The following PIK3CA variants were observed in gnomAD, a reference collection of about 807,000 sequenced individuals.
The protein encoded by PIK3CA is phosphatidylinositol-4,5-bisphosphate 3-kinase catalytic subunit alpha.
Under a neutral mutation model 138.2 loss-of-function variants are expected in PIK3CA, and 27 were observed. That is an observed-to-expected ratio of 0.20 (90% CI 0.14 to 0.27). The LOEUF (loss-of-function observed/expected upper bound fraction) is 0.27, where lower values mean the gene tolerates loss of function less well. PIK3CA is among the 10% of genes least tolerant of loss of function. PIK3CA has a pLI of 1.00. For missense variants in PIK3CA, 544 were observed against 1,277.4 expected, an observed-to-expected ratio of 0.43 and a Z score of 8.75; for synonymous variants, 358 against 413.2, an observed-to-expected ratio of 0.87 and a Z score of 1.62.
At chr3:179,218,159 G>A (rs570063247) in intron 9 of PIK3CA, 51 bp from the exon 10 acceptor site, 1 of 1,395,346 alleles carries the variant, frequency 7.2e-7, no homozygotes, top group African/African-American at 1.5e-5. Flanking sequence ...TGAATCCAGA[G>A]GGGAAAAATA....
intron 20 of PIK3CA, among the ~76,000 whole-genome samples, chr3:179,231,199 A>AT (rs749941927): frequency 2.0e-4 from 31 of 152,224 alleles, no homozygotes; most frequent in Middle Eastern, 6.8e-3. Context: ...TTATCCACTC[A>AT]TTGGTCAGTG....
intron 1 of PIK3CA, among the ~76,000 whole-genome samples, chr3:179,155,993 A>G (rs1453737786): frequency 1.3e-5 from 2 of 151,896 alleles, no homozygotes; most frequent in African/African-American, 4.8e-5. Context: ...TTCTAATACA[A>G]CTCCCAAATG....
intron 1 of PIK3CA, among the ~76,000 whole-genome samples, chr3:179,168,352 T>C (rs933838608): frequency 6.6e-6 from 1 of 152,222 alleles, no homozygotes; most frequent in Non-Finnish European, 1.5e-5. Context: ...TACTTGTTAT[T>C]GATGAGAATA....
intron 1 of PIK3CA, among the ~76,000 whole-genome samples, chr3:179,187,933 G>A (rs999591042): frequency 6.6e-6 from 1 of 152,072 alleles, no homozygotes; most frequent in Non-Finnish European, 1.5e-5. Context: ...CACCATGCCC[G>A]ACCCTCATTT....
At chr3:179,179,663 A>G (rs1723790894) in intron 1 of PIK3CA, among the ~76,000 whole-genome samples, 1 of 152,202 alleles carries the variant, frequency 6.6e-6, no homozygotes, top group African/African-American at 2.4e-5. Flanking sequence ...CTATAGTTCA[A>G]TTTGAAAAAT....
intron 1 of PIK3CA, among the ~76,000 whole-genome samples, chr3:179,184,522 C>G (rs565836705): frequency 1.3e-5 from 2 of 152,248 alleles, no homozygotes; most frequent in South Asian, 4.1e-4. Flanking sequence ...ACAGACAGTA[C>G]AGATAAATCT....
intron 1 of PIK3CA, among the ~76,000 whole-genome samples, chr3:179,160,018 G>T (rs181273098): frequency 6.6e-6 from 1 of 152,300 alleles, no homozygotes; most frequent in East Asian, 1.9e-4. Flanking sequence ...AAGACTAGAA[G>T]TTACTCTGGG....
At chr3:179,209,888 A>G (rs1018048247) in intron 7 of PIK3CA, among the ~76,000 whole-genome samples, 188 bp downstream of exon 7, 1 of 152,182 alleles carries the variant, frequency 6.6e-6, no homozygotes, top group Non-Finnish European at 1.5e-5. Context: ...TATGATGAAT[A>G]TGTTTTGAGT....
intron 16 of PIK3CA, among the ~76,000 whole-genome samples, chr3:179,225,683 T>C (rs1258476724): frequency 1.3e-5 from 2 of 152,078 alleles, no homozygotes; most frequent in Non-Finnish European, 2.9e-5. Flanking sequence ...CTCTGGAGGA[T>C]TACTTGAGCC....
At chr3:179,172,762 A>G (rs1723591395) in intron 1 of PIK3CA, among the ~76,000 whole-genome samples, 1 of 152,198 alleles carries the variant, frequency 6.6e-6, no homozygotes, top group Non-Finnish European at 1.5e-5. Context: ...GAATTGGTAC[A>G]CTATGTTCAG....
In PIK3CA at chr3:179,229,426, A is replaced by G. The variant is rs1434775922; in HGVS notation, c.2650A>G (p.Lys884Glu). Residue 884 changes from lysine to glutamate, a missense_variant, in exon 18 of 21, where the codon AAG (lysine) becomes GAG (glutamate). Around this residue, in one of 14 missense-constraint regions of PIK3CA, gnomAD observed 72 missense variants for 271.8 expected, o/e 0.26. Transcript: ENST00000263967. The stretch of plus-strand genomic sequence containing the variant: ...CACACTACATCAGTGGCTCAAAGAC[A>G]AGAACAAAGGAGAAATGTGAGTTGT... ...SHTLHQWLKD[K>E]NKGEIYDAAI... is the part of the protein sequence containing the mutation. The G allele has an allele frequency of 6.2e-7, 1 of 1,611,166 alleles. No homozygotes were observed. The highest frequency in any genetic ancestry group is 2.2e-5 in the East Asian group (1 of 44,796).
chr3:179,197,724 C>G (rs1342554709), intron 1 of PIK3CA, among the ~76,000 whole-genome samples: 1 of 152,126 alleles, frequency 6.6e-6, no homozygotes, highest in African/African-American at 2.4e-5. Context: ...GCTTAACTTT[C>G]ATTTTTTTCT....
chr3:179,209,754 AC>A, intron 7 of PIK3CA, 54 bp downstream of exon 7: 2 of 938,196 alleles, frequency 2.1e-6, no homozygotes, highest in South Asian at 1.8e-5. Context: ...TCCTGATTAT[AC>A]CGCTGATTGA....
intron 1 of PIK3CA, among the ~76,000 whole-genome samples, chr3:179,151,796 G>T (rs1208384424): frequency 6.6e-6 from 1 of 152,162 alleles, no homozygotes; most frequent in African/African-American, 2.4e-5. Flanking sequence ...TTAACTGGTT[G>T]ACTCCTACTC....
At chr3:179,199,258 A>G (rs1175311624) in intron 2 of PIK3CA, 81 bp downstream of exon 2, 2 of 862,444 alleles carry the variant, frequency 2.3e-6, no homozygotes, top group African/African-American at 1.7e-5. Flanking sequence ...TTCTGTCTAA[A>G]CCAATACCTT....
At chr3:179,152,822 T>G (rs1723045989) in intron 1 of PIK3CA, among the ~76,000 whole-genome samples, 1 of 152,164 alleles carries the variant, frequency 6.6e-6, no homozygotes, top group Non-Finnish European at 1.5e-5. Flanking sequence ...CCCATTCCAC[T>G]GTCAAACACC....
chr3:179,166,193 C>A (rs1032240958), intron 1 of PIK3CA, among the ~76,000 whole-genome samples: 1 of 152,172 alleles, frequency 6.6e-6, no homozygotes, highest in African/African-American at 2.4e-5. Context: ...AAAATGATAT[C>A]TTGAGAAATT....
chr3:179,163,992 A>C (rs1723351510), intron 1 of PIK3CA, among the ~76,000 whole-genome samples: 1 of 152,176 alleles, frequency 6.6e-6, no homozygotes, highest in African/African-American at 2.4e-5. Context: ...CATTAGATAT[A>C]ATAATTTACA....
chr3:179,224,180 A>G lies in PIK3CA; in HGVS notation c.2287A>G (p.Asn763Asp), dbSNP rs1022964484. Residue 763 changes from asparagine (N) to aspartate (D), a missense_variant, in exon 15 of 21, where the codon AAC (asparagine) becomes GAC (aspartate). Coordinates refer to ENST00000263967, the MANE Select transcript of PIK3CA (RefSeq NM_006218.4). ...TCTAAACCCTGCTCATCAACTAGGA[A>G]ACCTCAGGTACTTTCTTGGGGGTTT... ...SPLNPAHQLGNLRLEECRIMS... is the reference protein window; with the variant it reads ...SPLNPAHQLGDLRLEECRIMS... 6.5e-6 allele frequency: 10 copies of G among 1,526,932 alleles called. No homozygotes were observed. Among genetic ancestry groups the G allele is most frequent in the Non-Finnish European group, 9.0e-6 (10 of 1,110,412 alleles). 94.6% of individuals were successfully genotyped at this position (1,526,932 alleles called of 1,614,324 possible). A position where few individuals can be genotyped will look rare whatever the true frequency, so the allele number is the denominator to read the frequency against.
Sources: gnomAD v4.1 joint callset for allele counts (sites outside exome capture counted in the v4.1 genomes callset) on GRCh38, gnomAD v4.1.1 for gene constraint, gnomAD v4.1.1 regional missense constraint, MANE v1.5 for transcripts, NCBI Gene and HGNC (gene_info 2026-07-23, HGNC 2026-07-21) for gene names.